Variants in PIGK observed in about 807,000 individuals in gnomAD.
The protein encoded by PIGK is phosphatidylinositol glycan anchor biosynthesis class K, also known as GPI-anchor transamidase.
Under a neutral mutation model 50.6 loss-of-function variants are expected in PIGK, and 42 were observed. That is an observed-to-expected ratio of 0.83 (90% confidence interval 0.65 to 1.07). The LOEUF is 1.07. PIGK is among the 50% of genes least tolerant of loss of function. The pLI is 0.00. For synonymous variants in PIGK, 151 were observed against 156.0 expected, an observed-to-expected ratio of 0.97 and a Z score of 0.24; for missense variants, 448 against 488.7, an observed-to-expected ratio of 0.92 and a Z score of 0.78.
chr1:77,168,654 G>A (rs1372145526), intron 4 of PIGK, among the ~76,000 whole-genome samples: 1 of 151,258 alleles, frequency 6.6e-6, no homozygotes, highest in Non-Finnish European at 1.5e-5. Context: ...AGTGGTCTAG[G>A]AACACACAGG....
chr1:77,217,812 G>A (rs1027252577), intron 1 of PIGK, among the ~76,000 whole-genome samples: 4 of 152,134 alleles, frequency 2.6e-5, no homozygotes, highest in African/African-American at 7.2e-5. Context: ...TTCTACAGAG[G>A]TTATGCCTTT....
intron 9 of PIGK, among the ~76,000 whole-genome samples, chr1:77,123,014 A>T (rs1401036634): frequency 6.6e-6 from 1 of 152,176 alleles, no homozygotes; most frequent in Non-Finnish European, 1.5e-5. Context: ...TAAATATATG[A>T]ATAAAATGAA....
chr1:77,116,328 C>T (rs1303210905), intron 10 of PIGK, among the ~76,000 whole-genome samples: 3 of 151,990 alleles, frequency 2.0e-5, no homozygotes, highest in African/African-American at 4.8e-5. Flanking sequence ...GGACTACAGG[C>T]GCCCACCACC....
intron 3 of PIGK, among the ~76,000 whole-genome samples, chr1:77,184,592 T>A (rs1167616456): frequency 3.3e-5 from 5 of 152,104 alleles, no homozygotes; most frequent in Non-Finnish European, 7.4e-5. Context: ...ACTCAAAACA[T>A]CATTGTGGTC....
intron 10 of PIGK, among the ~76,000 whole-genome samples, chr1:77,104,447 A>G (rs1229610025): frequency 6.6e-6 from 1 of 152,218 alleles, no homozygotes; most frequent in Non-Finnish European, 1.5e-5. Flanking sequence ...AATACATTGG[A>G]TGGAATTAAC....
chr1:77,146,625 G>A (rs139279211), intron 9 of PIGK, among the ~76,000 whole-genome samples: 117 of 152,096 alleles, frequency 7.7e-4, no homozygotes, highest in African/African-American at 2.8e-3. Flanking sequence ...GCGAAACCCC[G>A]TCTCTACTAA....
Position 77,189,748 on chromosome 1 carries a change from T to TACACAC in PIGK, c.239+16886_239+16891dup, listed in dbSNP as rs200985315. ...ATATATATATATATATATATATATA[T>TACACAC]ACACACACACACACACACACACACA... On this transcript the variant is annotated intron_variant, in intron 3 of 10. Transcript: ENST00000370812. Among the ~76,000 whole-genome samples the TACACAC allele has an allele frequency of 9.3e-5, 5 of 53,980 alleles. No individual in the cohort carries two copies. The East Asian group carries it at 1.9e-3, about 21-fold the overall frequency. The allele number at this position is 53,980 out of a possible 152,430, so 35.4% of individuals were successfully genotyped here. A position where few individuals can be genotyped will look rare whatever the true frequency, so the allele number is the denominator to read the frequency against.
At chr1:77,095,861 T>C (rs1418265276) in intron 10 of PIGK, among the ~76,000 whole-genome samples, 2 of 151,976 alleles carry the variant, frequency 1.3e-5, no homozygotes, top group African/African-American at 2.4e-5. Flanking sequence ...TGAGAAGGCA[T>C]TTAAACCTAA....
At chr1:77,175,419 T>G (rs1021691453) in intron 3 of PIGK, among the ~76,000 whole-genome samples, 3 of 152,150 alleles carry the variant, frequency 2.0e-5, no homozygotes, top group Non-Finnish European at 4.4e-5. Context: ...ACGTAGGTGG[T>G]CTGTGTAAGT....
intron 10 of PIGK, among the ~76,000 whole-genome samples, chr1:77,102,431 T>A (rs570014582): frequency 6.6e-6 from 1 of 152,316 alleles, no homozygotes; most frequent in South Asian, 2.1e-4. Flanking sequence ...ACAAGTGTTC[T>A]TCAGTGTGGT....
chr1:77,176,501 C>G (rs987214799), intron 3 of PIGK, among the ~76,000 whole-genome samples: 29 of 152,098 alleles, frequency 1.9e-4, no homozygotes, highest in African/African-American at 6.5e-4. Context: ...TTATAGACCA[C>G]AGAAATTGTC....
chr1:77,157,671 T>C (rs1033706065), intron 8 of PIGK, among the ~76,000 whole-genome samples: 4 of 152,204 alleles, frequency 2.6e-5, no homozygotes, highest in Admixed American at 2.0e-4. Flanking sequence ...CATCAACATA[T>C]ATAATCTTCA....
chr1:77,139,901 A>G (rs1045706457), intron 9 of PIGK, among the ~76,000 whole-genome samples: 4 of 152,166 alleles, frequency 2.6e-5, no homozygotes, highest in Non-Finnish European at 5.9e-5. Context: ...ACTCATTTAC[A>G]TTAATTTTTT....
intron 10 of PIGK, among the ~76,000 whole-genome samples, chr1:77,114,325 A>T (rs1378728936): frequency 6.6e-6 from 1 of 152,168 alleles, no homozygotes; most frequent in Admixed American, 6.5e-5. Flanking sequence ...GAACAATTTC[A>T]TCAACGGTAC....
chr1:77,090,483 C>T lies in PIGK; in HGVS notation c.*1891G>A, dbSNP rs917448687. 1 of 152,194 alleles carries T rather than the reference C, an allele frequency of 6.6e-6. No homozygotes were observed. Among genetic ancestry groups the T allele is most frequent in the Admixed American group, 6.5e-5 (1 of 15,278 alleles). The allele number at this position is 152,194 out of a possible 1,614,324, so 9.4% of individuals were successfully genotyped here. A position where few individuals can be genotyped will look rare whatever the true frequency, so the allele number is the denominator to read the frequency against. Reference sequence around the variant, plus strand: ...CAAAATTTATCCTGAATATTTTATCCAGTATTACTTTTCCCAGTTTGGTTT... The same window carrying T: ...CAAAATTTATCCTGAATATTTTATCTAGTATTACTTTTCCCAGTTTGGTTT... On this transcript the variant is annotated 3_prime_UTR_variant, in exon 11 of 11. Transcript: ENST00000370812.
intron 1 of PIGK, among the ~76,000 whole-genome samples, chr1:77,218,995 T>A (rs1656655264): frequency 1.3e-5 from 2 of 152,118 alleles, no homozygotes; most frequent in Admixed American, 6.5e-5. Context: ...AGTTGAGTAG[T>A]AGGAAAGCAG....
chr1:77,104,105 A>G (rs1186479030), intron 10 of PIGK, among the ~76,000 whole-genome samples: 1 of 152,114 alleles, frequency 6.6e-6, no homozygotes, highest in Non-Finnish European at 1.5e-5. Flanking sequence ...TTACCCTCAA[A>G]CAAAATTCAT....
intron 3 of PIGK, chr1:77,194,962 G>A (rs1655996809): frequency 1.6e-6 from 1 of 611,038 alleles, no homozygotes; most frequent in Non-Finnish European, 3.1e-6. Flanking sequence ...TCCTGCTTAA[G>A]TGTGGAGCAG....
chr1:77,204,730 A>T (rs1411045113), intron 3 of PIGK, among the ~76,000 whole-genome samples: 1 of 152,182 alleles, frequency 6.6e-6, no homozygotes, highest in Non-Finnish European at 1.5e-5. Context: ...TCAGGGGCTG[A>T]TTCCCCTGAT....
Sources: gnomAD v4.1 joint callset for allele counts (sites outside exome capture counted in the v4.1 genomes callset) on GRCh38, gnomAD v4.1.1 for gene constraint, MANE v1.5 for transcripts, NCBI Gene and HGNC (gene_info 2026-07-23, HGNC 2026-07-21) for gene names.